SULT2B1: variants seen among roughly 807,000 people sequenced by gnomAD.
SULT2B1 encodes the protein sulfotransferase 2B1.
In SULT2B1, 16 loss-of-function variants were observed where a neutral mutation model predicts 33.2. The ratio of observed to expected loss-of-function variants is 0.48; its 90% CI spans 0.33 to 0.73. SULT2B1 has a LOEUF of 0.73. Ranked by LOEUF, SULT2B1 falls within the 30% of genes least tolerant of loss-of-function variation. The pLI, the probability that SULT2B1 is intolerant of heterozygous loss-of-function variation, is 0.02. For missense variants in SULT2B1, 500 were observed against 506.0 expected (o/e 0.99, Z 0.11); for synonymous variants, 186 against 200.5 (o/e 0.93, Z 0.61).
intron 1 of SULT2B1, among the ~76,000 whole-genome samples, chr19:48,559,697 T>C (rs1399372888): frequency 1.3e-5 from 2 of 152,174 alleles, no homozygotes; most frequent in Admixed American, 6.6e-5. Context: ...AATGCCAGGC[T>C]GAGAAGGGAG....
chr19:48,570,132 A>G (rs538002966), intron 1 of SULT2B1, among the ~76,000 whole-genome samples: 71 of 151,866 alleles, frequency 4.7e-4, no homozygotes, highest in Non-Finnish European at 8.2e-4. Context: ...ACTCAGTGCA[A>G]TGCCTGGGAG....
chr19:48,594,930 G>C (rs1425479197), intron 5 of SULT2B1, among the ~76,000 whole-genome samples: 2 of 152,060 alleles, frequency 1.3e-5, no homozygotes, highest in Non-Finnish European at 2.9e-5. Flanking sequence ...GCTGAGGCAG[G>C]AGAATCACTG....
chr19:48,586,717 T>G (rs1973565919), intron 2 of SULT2B1, among the ~76,000 whole-genome samples: 1 of 152,216 alleles, frequency 6.6e-6, no homozygotes, highest in African/African-American at 2.4e-5. Context: ...ATGGTTTCTG[T>G]AAGGCTCAGT....
chr19:48,581,890 A>ATATTAT (rs71335807), intron 2 of SULT2B1, among the ~76,000 whole-genome samples: 76 of 137,724 alleles, frequency 5.5e-4, no homozygotes, highest in Middle Eastern at 3.6e-3. Context: ...TATTATTATT[A>ATATTAT]TATTATTATT....
intron 1 of SULT2B1, among the ~76,000 whole-genome samples, chr19:48,573,562 A>C (rs1467376496): frequency 6.6e-6 from 1 of 151,916 alleles, no homozygotes; most frequent in African/African-American, 2.4e-5. Context: ...AGGCCCAGAG[A>C]GTGGCAGGGT....
At chr19:48,559,979 TAAA>T (rs1016211820) in intron 1 of SULT2B1, among the ~76,000 whole-genome samples, 5 of 146,632 alleles carry the variant, frequency 3.4e-5, no homozygotes, top group Non-Finnish European at 7.5e-5. Flanking sequence ...AAAAAAAAAT[TAAA>T]AAGAAAAGAA....
At chr19:48,589,611 C>T (rs1416604811) in intron 3 of SULT2B1, among the ~76,000 whole-genome samples, 3 of 152,134 alleles carry the variant, frequency 2.0e-5, no homozygotes, top group African/African-American at 7.2e-5. Flanking sequence ...TCATAGTGTT[C>T]AGCAAAGCTG....
rs66515808 is a variant in SULT2B1, at chr19:48,575,100, C to CTTT, written c.72-817_72-815dup. Among the ~76,000 whole-genome samples the CTTT allele has an allele frequency of 1.4e-3, 118 of 81,448 alleles. 3 individuals carry two copies. The highest frequency in any genetic ancestry group is 3.1e-3 in the African/African-American group (59 of 19,158). The allele number at this position is 81,448 out of a possible 152,430, so 53.4% of individuals were successfully genotyped here. ...ACTATGAGCTACTCTCTGTTTTAAC[C>CTTT]TTTTTTTTTTTTTTTTTTTTTTTTT... On this transcript the variant is annotated intron_variant, in intron 1 of 6. Coordinates refer to ENST00000201586, the MANE Select transcript of SULT2B1 (RefSeq NM_177973.2).
In SULT2B1 at chr19:48,592,772, G is replaced by C. The variant is rs1394471367; in HGVS notation, c.601G>C (p.Gly201Arg). The change falls in exon 5 of 7, where the codon GGC becomes CGC. Residue 201 changes from glycine to arginine, a missense_variant. Physicochemically the swap from Gly to Arg is moderately radical, Grantham distance 125. Coordinates refer to ENST00000201586, the MANE Select transcript of SULT2B1 (RefSeq NM_177973.2). ...CATTAAGGGCTGGCTTCGGATGAAG[G>C]GCAAAGACAACTTCCTATTTATCAC... The part of the protein sequence containing the change: ...DHIKGWLRMK[G>R]KDNFLFITYE... 1 of 1,596,124 alleles carries C rather than the reference G, an allele frequency of 6.3e-7. No individual in the cohort carries two copies. Among genetic ancestry groups the C allele is most frequent in the Non-Finnish European group, 8.5e-7 (1 of 1,170,958 alleles).
intron 1 of SULT2B1, among the ~76,000 whole-genome samples, chr19:48,562,127 C>T (rs1271521642): frequency 6.6e-6 from 1 of 152,070 alleles, no homozygotes; most frequent in African/African-American, 2.4e-5. Flanking sequence ...TGGCTTATGC[C>T]TGTAATCCCA....
At chr19:48,556,351 G>C (rs566640879) in intron 1 of SULT2B1, among the ~76,000 whole-genome samples, 1 of 152,252 alleles carries the variant, frequency 6.6e-6, no homozygotes, top group East Asian at 1.9e-4. Flanking sequence ...AGGACGTCAA[G>C]AATGAATGAA....
intron 2 of SULT2B1, among the ~76,000 whole-genome samples, chr19:48,578,897 A>G (rs1341644942): frequency 1.3e-5 from 2 of 152,040 alleles, no homozygotes; most frequent in Admixed American, 6.6e-5. Context: ...ACAAATAAAA[A>G]TAAAAATAAA....
intron 5 of SULT2B1, among the ~76,000 whole-genome samples, chr19:48,593,775 C>T (rs868313804): frequency 7.3e-5 from 11 of 150,012 alleles, no homozygotes; most frequent in Middle Eastern, 3.4e-3. Flanking sequence ...GCTGGGATTA[C>T]AGGCATGCGC....
In SULT2B1 at chr19:48,596,896, G is replaced by A. The variant is rs146884008; in HGVS notation, c.803G>A (p.Arg268His). ...TLLPPSLLDH[R>H]RGAFLRKGVC... ...CTGCCTCCCAGCCTGCTGGACCACC[G>A]TCGCGGGGCCTTCCTCCGGAAAGGT... Residue 268 changes from arginine (R) to histidine (H), a missense_variant, in exon 6 of 7, where the codon CGT (arginine) becomes CAT (histidine). Coordinates refer to ENST00000201586, the MANE Select transcript of SULT2B1 (RefSeq NM_177973.2). 2.3e-3 allele frequency: 3,607 copies of A among 1,601,302 alleles called. 9 individuals are homozygous for A. The highest frequency in any genetic ancestry group is 2.8e-3 in the Non-Finnish European group (3,324 of 1,177,782).
chr19:48,556,432 G>T (rs1286948890), intron 1 of SULT2B1, among the ~76,000 whole-genome samples: 1 of 152,098 alleles, frequency 6.6e-6, no homozygotes, highest in Admixed American at 6.6e-5. Flanking sequence ...CAGACGGGGA[G>T]GAGGGGCAGG....
In SULT2B1 at chr19:48,564,520, C is replaced by G. The variant is rs1973220274; in HGVS notation, c.72-11421C>G. Among the ~76,000 whole-genome samples, 5 of 135,924 alleles carry G rather than the reference C, an allele frequency of 3.7e-5. No individual in the cohort carries two copies. In the South Asian group the frequency reaches 1.2e-3, roughly 32 times the overall value. 89.2% of individuals were successfully genotyped at this position (135,924 alleles called of 152,430 possible). A position where few individuals can be genotyped will look rare whatever the true frequency, so the allele number is the denominator to read the frequency against. ...TGAGCCGAGATCACACCACTGCACT[C>G]CAGCCTGGGCAACAGAGCGAGACTC... is the stretch of plus-strand genomic sequence containing the variant. On this transcript the variant is annotated intron_variant, in intron 1 of 6. Transcript: ENST00000201586.
chr19:48,587,297 G>A lies in SULT2B1; in HGVS notation c.283G>A (p.Val95Met), dbSNP rs200176089. Residue 95 changes from valine (V) to methionine (M), a missense_variant, in exon 3 of 7, where the codon GTG becomes ATG. Val to Met is a conservative substitution (Grantham distance 21). Transcript: ENST00000201586. ...KEGDPSWIRS[V>M]PIWERAPWCE... ...AGGGGATCCATCCTGGATCCGCTCC[G>A]TGCCCATCTGGGAGCGGGCACCCTG... 1.4e-5 allele frequency: 23 copies of A among 1,614,000 alleles called. No individual in the cohort carries two copies. Among genetic ancestry groups the A allele is most frequent in the Admixed American group, 5.0e-5 (3 of 59,964 alleles).
intron 1 of SULT2B1, among the ~76,000 whole-genome samples, chr19:48,572,619 G>A (rs1419960289): frequency 6.6e-6 from 1 of 152,202 alleles, no homozygotes; most frequent in Non-Finnish European, 1.5e-5. Flanking sequence ...TGGAGCTGGT[G>A]TCTGCAGCAA....
chr19:48,577,193 C>T (rs1478896371), intron 2 of SULT2B1, among the ~76,000 whole-genome samples: 2 of 150,282 alleles, frequency 1.3e-5, no homozygotes, highest in African/African-American at 4.9e-5. Context: ...CCACCATGCG[C>T]GGCTACTTCT....
Sources: gnomAD v4.1 joint callset for allele counts (sites outside exome capture counted in the v4.1 genomes callset) on GRCh38, gnomAD v4.1.1 for gene constraint, MANE v1.5 for transcripts, NCBI Gene and HGNC (gene_info 2026-07-23, HGNC 2026-07-21) for gene names.